Variants in ZNF892 observed in about 807,000 individuals in gnomAD.
ZNF892 encodes zinc finger protein 892, also known as zinc finger protein 570-like.
chr2:95,262,262 C>G, the ZNF892 span, among the ~76,000 whole-genome samples: 2 of 152,190 alleles, frequency 1.3e-5, no homozygotes, highest in Non-Finnish European at 2.9e-5. Flanking sequence ...TTGCTTGGTA[C>G]ACTCAGAACA....
chr2:95,235,030 GTCACCC>G, the ZNF892 span, among the ~76,000 whole-genome samples: 1 of 152,140 alleles, frequency 6.6e-6, no homozygotes, highest in African/African-American at 2.4e-5. Context: ...TGAATTGGAG[GTCACCC>G]AGCTGGTGTC....
chr2:95,243,382 C>T, the ZNF892 span, among the ~76,000 whole-genome samples: 10 of 150,940 alleles, frequency 6.6e-5, no homozygotes, highest in Admixed American at 1.3e-4. Flanking sequence ...TCTGCCCGGC[C>T]GCCATCCCAT....
At chr2:95,220,387 G>A in the ZNF892 span, among the ~76,000 whole-genome samples, 3 of 149,318 alleles carry the variant, frequency 2.0e-5, no homozygotes, top group Admixed American at 1.3e-4. Flanking sequence ...TGGCGTTTCC[G>A]GGTTGCCAGC....
the ZNF892 span, among the ~76,000 whole-genome samples, chr2:95,257,510 G>A: frequency 1.1e-4 from 17 of 152,150 alleles, no homozygotes; most frequent in Admixed American, 5.9e-4. Flanking sequence ...TAGGCTACTC[G>A]GGGGTCACGG....
chr2:95,212,775 T>G, the ZNF892 span, among the ~76,000 whole-genome samples: 34 of 152,354 alleles, frequency 2.2e-4, no homozygotes, highest in African/African-American at 7.9e-4. Context: ...ATTAGCTTTG[T>G]GACCTTTAAC....
the ZNF892 span, among the ~76,000 whole-genome samples, chr2:95,248,617 T>C: frequency 6.6e-6 from 1 of 152,130 alleles, no homozygotes; most frequent in Admixed American, 6.5e-5. Flanking sequence ...TAATCTCTTA[T>C]TAGGAATAGA....
chr2:95,248,972 G>C, the ZNF892 span, among the ~76,000 whole-genome samples: 2 of 151,478 alleles, frequency 1.3e-5, no homozygotes, highest in Non-Finnish European at 2.9e-5. Flanking sequence ...ATTGAATTGG[G>C]GGTCTCACTA....
chr2:95,210,201 G>GTATATATGTGTATATATGTA, the ZNF892 span, among the ~76,000 whole-genome samples: 16 of 146,020 alleles, frequency 1.1e-4, no homozygotes, highest in Admixed American at 9.5e-4. Context: ...GTGTATATAT[G>GTATATATGTGTATATATGTA]TATATATGTG....
At chr2:95,230,935 T>C in the ZNF892 span, among the ~76,000 whole-genome samples, 1 of 152,204 alleles carries the variant, frequency 6.6e-6, no homozygotes, top group African/African-American at 2.4e-5. Context: ...TGTTGCTGCT[T>C]ATGTACAATT....
chr2:95,243,939 T>A, the ZNF892 span, among the ~76,000 whole-genome samples: 1 of 152,204 alleles, frequency 6.6e-6, no homozygotes, highest in Non-Finnish European at 1.5e-5. Flanking sequence ...ATCGGATGGT[T>A]GCCGTGTCTC....
At chr2:95,243,243 C>T in the ZNF892 span, among the ~76,000 whole-genome samples, 125 of 152,262 alleles carry the variant, frequency 8.2e-4, no homozygotes, top group Non-Finnish European at 6.3e-4. Context: ...CCCAAAGTGC[C>T]GAGATTGTAG....
At chr2:95,240,190 G>A in the ZNF892 span, among the ~76,000 whole-genome samples, 2 of 152,042 alleles carry the variant, frequency 1.3e-5, no homozygotes, top group Non-Finnish European at 2.9e-5. Context: ...AAGCAGCTGC[G>A]GTTTGCAGCA....
the ZNF892 span, among the ~76,000 whole-genome samples, chr2:95,234,004 C>T: frequency 5.6e-4 from 85 of 152,290 alleles, no homozygotes; most frequent in African/African-American, 2.0e-3. Flanking sequence ...GAGAATAGGT[C>T]AGTTTTGTGA....
At chr2:95,226,801 G>A in the ZNF892 span, among the ~76,000 whole-genome samples, 1 of 151,968 alleles carries the variant, frequency 6.6e-6, no homozygotes, top group Non-Finnish European at 1.5e-5. Flanking sequence ...CATTTTTAGT[G>A]GTTAGATGCA....
At chr2:95,230,305 G>T in the ZNF892 span, among the ~76,000 whole-genome samples, 1 of 152,106 alleles carries the variant, frequency 6.6e-6, no homozygotes. Flanking sequence ...CAGAACCTCA[G>T]AAATTACCAC....
chr2:95,213,039 AC>A, the ZNF892 span, among the ~76,000 whole-genome samples: 1 of 152,156 alleles, frequency 6.6e-6, no homozygotes, highest in Non-Finnish European at 1.5e-5. Flanking sequence ...TTTTACTCTT[AC>A]CCTTGTAAAA....
At chr2:95,262,526 A>T in the ZNF892 span, among the ~76,000 whole-genome samples, 1 of 152,218 alleles carries the variant, frequency 6.6e-6, no homozygotes, top group African/African-American at 2.4e-5. Context: ...AAGGAAGTTG[A>T]GACCAGGAGG....
the ZNF892 span, among the ~76,000 whole-genome samples, chr2:95,218,064 G>A: frequency 6.6e-6 from 1 of 152,076 alleles, no homozygotes; most frequent in Non-Finnish European, 1.5e-5. Flanking sequence ...GTCCCCTTTA[G>A]TGCCAGGTGG....
chr2:95,236,466 T>C, the ZNF892 span, among the ~76,000 whole-genome samples: 60 of 152,388 alleles, frequency 3.9e-4, no homozygotes, highest in Non-Finnish European at 8.4e-4. Context: ...TCATCTTCTT[T>C]GGTTCATTTA....
Sources: allele counts gnomAD v4.1 joint callset (sites outside exome capture counted in the v4.1 genomes callset), GRCh38; gene constraint gnomAD v4.1.1; transcripts MANE v1.5; gene names NCBI Gene and HGNC (gene_info 2026-07-23, HGNC 2026-07-21).